The following CA10 variants were observed in gnomAD, a reference collection of about 807,000 sequenced individuals.
CA10 encodes the protein carbonic anhydrase-related protein 10.
Under a neutral mutation model 44.2 loss-of-function variants are expected in CA10, and 14 were observed. That is an observed-to-expected ratio of 0.32 (90% confidence interval 0.21 to 0.50). CA10 has a LOEUF of 0.50. CA10 is among the 20% of genes least tolerant of loss of function. The pLI, the probability that CA10 is intolerant of heterozygous loss-of-function variation, is 0.99. For synonymous variants in CA10, 159 were observed against 141.6 expected, an observed-to-expected ratio of 1.12 and a Z score of -0.87; for missense variants, 350 against 409.7, an observed-to-expected ratio of 0.85 and a Z score of 1.26.
At chr17:52,099,714 T>C (rs1988492322) in intron 1 of CA10, among the ~76,000 whole-genome samples, 1 of 152,232 alleles carries the variant, frequency 6.6e-6, no homozygotes, top group Non-Finnish European at 1.5e-5. Flanking sequence ...TCTTAAGGCA[T>C]ATCCATAGGG....
At chr17:52,096,190 A>C (rs937095688) in intron 1 of CA10, among the ~76,000 whole-genome samples, 1 of 152,190 alleles carries the variant, frequency 6.6e-6, no homozygotes, top group African/African-American at 2.4e-5. Flanking sequence ...AGAAAGCAGC[A>C]GGCCTGAGTG....
intron 4 of CA10, among the ~76,000 whole-genome samples, chr17:51,684,599 A>C (rs916228489): frequency 2.6e-5 from 4 of 152,208 alleles, no homozygotes; most frequent in African/African-American, 9.6e-5. Context: ...GACTAAAAGA[A>C]CATGTGGGAA....
chr17:51,934,484 A>G (rs1982785537), intron 2 of CA10, among the ~76,000 whole-genome samples: 1 of 152,182 alleles, frequency 6.6e-6, no homozygotes, highest in South Asian at 2.1e-4. Flanking sequence ...TAAATCAAGA[A>G]TAACATTAGT....
intron 4 of CA10, among the ~76,000 whole-genome samples, chr17:51,707,656 G>A (rs1056361288): frequency 2.2e-5 from 2 of 91,920 alleles, no homozygotes; most frequent in African/African-American, 7.8e-5. Context: ...GTGCAGGGAA[G>A]GAAAGTGGAT....
intron 1 of CA10, among the ~76,000 whole-genome samples, chr17:52,129,907 G>C (rs1292657376): frequency 6.6e-6 from 1 of 152,084 alleles, no homozygotes; most frequent in African/African-American, 2.4e-5. Context: ...ATGCAAACCA[G>C]ATATTTGATA....
chr17:52,065,765 C>T (rs1434417205), intron 2 of CA10, among the ~76,000 whole-genome samples: 2 of 152,202 alleles, frequency 1.3e-5, no homozygotes, highest in East Asian at 3.8e-4. Flanking sequence ...CACTAGTGAA[C>T]ATTCTCTTCC....
intron 3 of CA10, among the ~76,000 whole-genome samples, chr17:51,806,346 G>T (rs1020286552): frequency 1.2e-4 from 19 of 152,126 alleles, no homozygotes; most frequent in African/African-American, 4.6e-4. Context: ...CTTTCTCAGT[G>T]TTCCTACTTT....
chr17:51,894,223 G>T (rs1056693950), intron 3 of CA10, among the ~76,000 whole-genome samples: 2 of 152,044 alleles, frequency 1.3e-5, no homozygotes, highest in African/African-American at 4.8e-5. Flanking sequence ...AAGATCAGGG[G>T]GCAGAGAAAG....
At chr17:51,796,879 T>C (rs368329433) in intron 3 of CA10, among the ~76,000 whole-genome samples, 3 of 152,156 alleles carry the variant, frequency 2.0e-5, no homozygotes, top group East Asian at 3.9e-4. Context: ...ATTAGAGACA[T>C]TGGCATTTTC....
chr17:51,839,700 T>C (rs1978303963), intron 3 of CA10, among the ~76,000 whole-genome samples: 1 of 151,928 alleles, frequency 6.6e-6, no homozygotes, highest in South Asian at 2.1e-4. Context: ...GGTAGAGAGA[T>C]TGGCCTATAA....
At chr17:52,105,182 G>C (rs1018600920) in intron 1 of CA10, among the ~76,000 whole-genome samples, 1 of 113,490 alleles carries the variant, frequency 8.8e-6, no homozygotes, top group Non-Finnish European at 2.0e-5. Context: ...ATGCATTAAA[G>C]CTTCAAAACC....
At chr17:51,651,347 G>A (rs1164865049) in intron 5 of CA10, among the ~76,000 whole-genome samples, 2 of 152,214 alleles carry the variant, frequency 1.3e-5, no homozygotes, top group Non-Finnish European at 2.9e-5. Flanking sequence ...TGAATGGTCA[G>A]TCACAGCTTA....
chr17:51,701,738 A>T (rs1915610428), intron 4 of CA10, among the ~76,000 whole-genome samples: 1 of 152,260 alleles, frequency 6.6e-6, no homozygotes, highest in South Asian at 2.1e-4. Context: ...ATGTATTGCC[A>T]GAAAAATCCT....
intron 2 of CA10, among the ~76,000 whole-genome samples, chr17:52,034,340 G>A (rs73989045): frequency 0.062 from 9,484 of 152,144 alleles, 302 homozygotes; most frequent in South Asian, 0.12. Flanking sequence ...AATATGTACA[G>A]CCTATGTCAA....
chr17:52,087,122 A>G (rs1322991951), intron 1 of CA10, among the ~76,000 whole-genome samples: 3 of 152,176 alleles, frequency 2.0e-5, no homozygotes, highest in Non-Finnish European at 2.9e-5. Flanking sequence ...GATGACCCAG[A>G]TACCTTTTCT....
intron 3 of CA10, among the ~76,000 whole-genome samples, chr17:51,778,523 A>G (rs1401446490): frequency 6.6e-6 from 1 of 152,250 alleles, no homozygotes; most frequent in East Asian, 1.9e-4. Flanking sequence ...ACACTTTGCT[A>G]GTAGGTTTTG....
At chr17:51,788,780 A>G (rs1906394982) in intron 3 of CA10, among the ~76,000 whole-genome samples, 1 of 152,130 alleles carries the variant, frequency 6.6e-6, no homozygotes, top group Non-Finnish European at 1.5e-5. Flanking sequence ...TAAAGTCCTG[A>G]TTCTACACAG....
At chr17:51,885,390 G>C (rs1386651040) in intron 3 of CA10, among the ~76,000 whole-genome samples, 1 of 152,082 alleles carries the variant, frequency 6.6e-6, no homozygotes, top group Non-Finnish European at 1.5e-5. Context: ...ACTTCCCTCA[G>C]TATCTCCTGT....
At chr17:51,841,595 T>A (rs1978320225) in intron 3 of CA10, among the ~76,000 whole-genome samples, 1 of 152,222 alleles carries the variant, frequency 6.6e-6, no homozygotes, top group Non-Finnish European at 1.5e-5. Flanking sequence ...AGAGTTCATT[T>A]CACTTCAAAG....
Sources: allele counts gnomAD v4.1 joint callset (sites outside exome capture counted in the v4.1 genomes callset), GRCh38; gene constraint gnomAD v4.1.1; transcripts MANE v1.5; gene names NCBI Gene and HGNC (gene_info 2026-07-23, HGNC 2026-07-21).